The following HLTF variants were observed in gnomAD, a reference collection of about 807,000 sequenced individuals.
HLTF encodes the protein helicase like transcription factor, also known as DNA-dependent ATPase/E3 ubiquitin-protein ligase HLTF.
HLTF carries 127 observed loss-of-function variants against 129.4 expected under a neutral mutation model. That is an observed-to-expected ratio of 0.98 (90% CI 0.85 to 1.14). The LOEUF is 1.14. Ranked by LOEUF, HLTF falls within the 50% of genes most tolerant of loss-of-function variation. HLTF has a pLI of 0.00. For missense variants in HLTF, 1,139 were observed against 1,187.1 expected (o/e 0.96, Z 0.60); for synonymous variants, 332 against 388.8 (o/e 0.85, Z 1.72).
intron 19 of HLTF, 190 bp downstream of exon 19, chr3:149,041,976 G>T (rs929195853): frequency 6.7e-6 from 4 of 600,626 alleles, no homozygotes; most frequent in South Asian, 2.2e-5. Flanking sequence ...TTCCTGGAAA[G>T]ACCTCATTAT....
intron 3 of HLTF, among the ~76,000 whole-genome samples, chr3:149,075,348 A>G (rs1397455924): frequency 6.6e-6 from 1 of 152,216 alleles, no homozygotes. Flanking sequence ...CAGGAGTTCG[A>G]GACAGCCTGG....
intron 7 of HLTF, among the ~76,000 whole-genome samples, chr3:149,070,249 C>T (rs149388427): frequency 2.0e-3 from 306 of 152,248 alleles, no homozygotes; most frequent in Non-Finnish European, 3.6e-3. Flanking sequence ...AGCAACATAC[C>T]GTCGTAAGGA....
chr3:149,068,440 A>T, intron 7 of HLTF, 105 bp from the exon 8 acceptor site: 1 of 581,932 alleles, frequency 1.7e-6, no homozygotes, highest in Non-Finnish European at 3.1e-6. Flanking sequence ...ATATCATTCA[A>T]GGTCACAAAA....
intron 3 of HLTF, among the ~76,000 whole-genome samples, chr3:149,074,550 G>A (rs1191640346): frequency 2.0e-5 from 3 of 152,112 alleles, no homozygotes; most frequent in Non-Finnish European, 2.9e-5. Context: ...TAGAAACAGA[G>A]TGCCAGAAAA....
At chr3:149,055,043 T>C (rs1428613842) in intron 14 of HLTF, among the ~76,000 whole-genome samples, 1 of 152,168 alleles carries the variant, frequency 6.6e-6, no homozygotes, top group Non-Finnish European at 1.5e-5. Flanking sequence ...GGGACAAAAA[T>C]AGCAAAGGCA....
At chr3:149,083,737 TAAAAAAAAATACAAA>T (rs1347861727) in intron 2 of HLTF, 1 of 116,452 alleles carries the variant, frequency 8.6e-6, no homozygotes, top group Non-Finnish European at 1.8e-5. Context: ...TGCCAAAACC[TAAAAAAAAATACAAA>T]AAAAAAAAAT....
chr3:149,054,389 A>C (rs1367026529), intron 14 of HLTF, among the ~76,000 whole-genome samples: 1 of 152,218 alleles, frequency 6.6e-6, no homozygotes, highest in East Asian at 1.9e-4. Flanking sequence ...AAAAAAGAAC[A>C]GATGAGCAAT....
intron 2 of HLTF, among the ~76,000 whole-genome samples, chr3:149,082,233 C>T (rs557261306): frequency 1.3e-4 from 20 of 152,098 alleles, no homozygotes; most frequent in Middle Eastern, 3.4e-3. Context: ...CCGAGGCGGG[C>T]GGATCACGAG....
At chr3:149,085,485 T>C (rs1202073054) in intron 1 of HLTF, among the ~76,000 whole-genome samples, 1 of 152,196 alleles carries the variant, frequency 6.6e-6, no homozygotes, top group Non-Finnish European at 1.5e-5. Context: ...CGAGACTCCA[T>C]GTCAAAAAAA....
chr3:149,079,046 G>A (rs556114856), intron 2 of HLTF, among the ~76,000 whole-genome samples: 5 of 152,158 alleles, frequency 3.3e-5, no homozygotes, highest in East Asian at 1.9e-4. Flanking sequence ...AAAAATCAGC[G>A]AAGCTGAAGA....
rs180838374 is a variant in HLTF at position 149,064,271 on chromosome 3, T to A, written c.1066+520A>T. Among the ~76,000 whole-genome samples the A allele has an allele frequency of 1.2e-4, 18 of 152,278 alleles. No homozygotes were observed. In the East Asian group the frequency reaches 2.9e-3, roughly 25 times the overall value. On this transcript the variant is annotated intron_variant, in intron 9 of 24. Transcript: ENST00000310053. ...TTCCAAACTTAAGTAATAGCACCAA[T>A]TGTTATTTACAATTTTTCACCTACT...
In HLTF at chr3:149,046,033, C is replaced by A. The variant is rs754611917; in HGVS notation, c.2072+47G>T. On this transcript the variant is annotated intron_variant, in intron 18 of 24. Coordinates refer to ENST00000310053, the MANE Select transcript of HLTF (RefSeq NM_003071.4). Reference sequence around the variant, plus strand: ...ATAATGTCATTCAGTGAATGGGAAACAAAGTAAACAAAAACTAATTTTTAA... The same window carrying A: ...ATAATGTCATTCAGTGAATGGGAAAAAAAGTAAACAAAAACTAATTTTTAA... The A allele has an allele frequency of 2.9e-6, 4 of 1,389,594 alleles. No individual in the cohort carries two copies. The South Asian group carries it at 5.0e-5, about 17-fold the overall frequency. 86.1% of individuals were successfully genotyped at this position (1,389,594 alleles called of 1,614,324 possible).
intron 14 of HLTF, among the ~76,000 whole-genome samples, chr3:149,050,697 T>C (rs1195356354): frequency 6.6e-6 from 1 of 152,170 alleles, no homozygotes; most frequent in Non-Finnish European, 1.5e-5. Flanking sequence ...GCTGCATTAG[T>C]TAGCAGACTT....
Position 149,050,341 on chromosome 3 carries a change from T to C in HLTF, c.1508A>G (p.His503Arg), listed in dbSNP as rs148916691. The C allele has an allele frequency of 6.6e-4, 1,054 of 1,593,208 alleles. 1 individual carries two copies. The highest frequency in any genetic ancestry group is 8.6e-4 in the Non-Finnish European group (1,004 of 1,166,968). ...QFGQHIKSDVHLNFYVYYGPD... is the reference protein window; with the variant it reads ...QFGQHIKSDVRLNFYVYYGPD... ...ACCATAATAAACATAAAAATTCAAG[T>C]GTACATCTGATTTTATATGTTGTCC... Residue 503 changes from histidine (H) to arginine (R), a missense_variant, in exon 15 of 25, where the codon CAC (histidine) becomes CGC (arginine). By Grantham distance (29) the His-to-Arg change is conservative. Transcript: ENST00000310053.
rs368845681 is a variant in HLTF at position 149,075,162 on chromosome 3, T to C, written c.395+719A>G. ...CGGACTTAGCTATTTCAATAATTAG[T>C]ACTGAACGAAAAAATGTCTAAAACA... On this transcript the variant is annotated intron_variant, in intron 3 of 24. Coordinates refer to ENST00000310053, the MANE Select transcript of HLTF (RefSeq NM_003071.4). 2.6e-5 allele frequency among the ~76,000 whole-genome samples: 4 copies of C among 152,348 alleles called. 1 individual carries two copies. Among genetic ancestry groups the C allele is most frequent in the Admixed American group, 6.5e-5 (1 of 15,302 alleles).
In HLTF at chr3:149,040,211, T is replaced by C. The variant is rs560878903; in HGVS notation, c.2377-55A>G. 6 of 1,516,022 alleles carry C rather than the reference T, an allele frequency of 4.0e-6. No homozygotes were observed. The African/African-American group carries it at 8.4e-5, about 21-fold the overall frequency. 93.9% of individuals were successfully genotyped at this position (1,516,022 alleles called of 1,614,324 possible). A position where few individuals can be genotyped will look rare whatever the true frequency, so the allele number is the denominator to read the frequency against. ...CACTTAACAGAAGAACAAATATAAA[T>C]ATGCCTAAAAATTTTTAAATGTATG... On this transcript the variant is annotated intron_variant, in intron 20 of 24. Coordinates refer to ENST00000310053, the MANE Select transcript of HLTF (RefSeq NM_003071.4).
rs199552856 is a variant in HLTF at position 149,039,551 on chromosome 3, A to C, written c.2615+30T>G. ...CAATATGATTATATAAAATCCTTTT[A>C]CTGAAAGTGAAAAACACTGTGGAAC... On this transcript the variant is annotated intron_variant, in intron 22 of 24. Transcript: ENST00000310053. 1.0e-4 allele frequency: 109 copies of C among 1,058,608 alleles called. 1 individual carries two copies. The East Asian group carries it at 2.2e-3, about 22-fold the overall frequency. The allele number at this position is 1,058,608 out of a possible 1,614,324, so 65.6% of individuals were successfully genotyped here. A position where few individuals can be genotyped will look rare whatever the true frequency, so the allele number is the denominator to read the frequency against.
chr3:149,080,177 C>T (rs1719750377), intron 2 of HLTF, among the ~76,000 whole-genome samples: 1 of 151,916 alleles, frequency 6.6e-6, no homozygotes, highest in East Asian at 1.9e-4. Context: ...TTCATGGTTG[C>T]CAGGGACTGA....
intron 1 of HLTF, among the ~76,000 whole-genome samples, chr3:149,085,144 T>C (rs781498106): frequency 4.6e-5 from 7 of 152,234 alleles, no homozygotes; most frequent in Non-Finnish European, 1.0e-4. Context: ...CAGAGTTCAC[T>C]AACCTCTTTC....
Sources: gnomAD v4.1 joint callset for allele counts (sites outside exome capture counted in the v4.1 genomes callset) on GRCh38, gnomAD v4.1.1 for gene constraint, MANE v1.5 for transcripts, NCBI Gene and HGNC (gene_info 2026-07-23, HGNC 2026-07-21) for gene names.